Variants in RPS29 observed in about 807,000 individuals in gnomAD.
The protein encoded by RPS29 is small ribosomal subunit protein uS14.
For synonymous variants in RPS29, 37 were observed against 26.9 expected, an observed-to-expected ratio of 1.37 and a Z score of -1.16; for missense variants, 60 against 75.7, an observed-to-expected ratio of 0.79 and a Z score of 0.77.
downstream of RPS29, among the ~76,000 whole-genome samples, chr14:49,582,016 A>AAAAAAAAAAAAAAAC (rs1881352751): frequency 9.2e-5 from 5 of 54,326 alleles, 1 homozygote; most frequent in African/African-American, 2.0e-4. Context: ...GCCCCCCAAA[A>AAAAAAAAAAAAAAAC]AAAAAAAAAA....
chr14:49,595,334 C>T (rs751291449), intron 1 of RPS29, among the ~76,000 whole-genome samples: 17 of 152,146 alleles, frequency 1.1e-4, no homozygotes, highest in Non-Finnish European at 1.9e-4. Context: ...ACCTGTAATC[C>T]GAGCACTTTG....
At chr14:49,575,768 T>C (rs1881163525) in exon 3 of RPS29, 1 of 152,184 alleles carries the variant, frequency 6.6e-6, no homozygotes, top group South Asian at 2.1e-4. Flanking sequence ...GAGGATTACT[T>C]GAGCCCAGGA....
intron 2 of RPS29, among the ~76,000 whole-genome samples, chr14:49,578,329 A>G (rs1881242545): frequency 6.6e-6 from 1 of 152,130 alleles, no homozygotes. Context: ...GTATCTGGAT[A>G]CTCAATCTCT....
At chr14:49,589,324 C>T (rs1881664143), upstream of RPS29, among the ~76,000 whole-genome samples, 1 of 151,804 alleles carries the variant, frequency 6.6e-6, no homozygotes. Flanking sequence ...AAAAAAGTGC[C>T]ATAATGTCCT....
At chr14:49,588,379 C>T (rs1303971794), upstream of RPS29, among the ~76,000 whole-genome samples, 1 of 152,176 alleles carries the variant, frequency 6.6e-6, no homozygotes, top group Non-Finnish European at 1.5e-5. Flanking sequence ...GCAGCTAAGA[C>T]GTCGTACTTC....
At chr14:49,574,336 CA>C (rs1881125468) in exon 3 of RPS29, 1 of 152,100 alleles carries the variant, frequency 6.6e-6, no homozygotes, top group Non-Finnish European at 1.5e-5. Context: ...TAAACTAAAC[CA>C]TTTTTTTTAT....
intron 1 of RPS29, among the ~76,000 whole-genome samples, chr14:49,596,066 C>G (rs1881815886): frequency 6.6e-6 from 1 of 151,894 alleles, no homozygotes; most frequent in African/African-American, 2.4e-5. Flanking sequence ...TGTTGAATGC[C>G]TAGTATGTGC....
At chr14:49,577,033 G>A (rs1332020210) in exon 3 of RPS29, 1 of 152,290 alleles carries the variant, frequency 6.6e-6, no homozygotes. Flanking sequence ...CTTGAGGTCA[G>A]GAGTTCGAAA....
At chr14:49,590,730 A>G (rs1160321963), upstream of RPS29, among the ~76,000 whole-genome samples, 1 of 147,048 alleles carries the variant, frequency 6.8e-6, no homozygotes, top group African/African-American at 2.5e-5. Flanking sequence ...TCACTCTGTC[A>G]CCCAGGCTGG....
At chr14:49,597,123 A>T (rs1037229898) in intron 1 of RPS29, among the ~76,000 whole-genome samples, 1 of 152,106 alleles carries the variant, frequency 6.6e-6, no homozygotes, top group Non-Finnish European at 1.5e-5. Flanking sequence ...CATGCTGGCC[A>T]GGCTGGTCTC....
chr14:49,589,017 G>A (rs1185899370), upstream of RPS29, among the ~76,000 whole-genome samples: 6 of 149,954 alleles, frequency 4.0e-5, no homozygotes, highest in South Asian at 2.1e-4. Context: ...TCAGCCTCCC[G>A]AGTAGCTGGG....
chr14:49,586,642 C>G, upstream of RPS29: 1 of 434,420 alleles, frequency 2.3e-6, no homozygotes, highest in Non-Finnish European at 4.3e-6. Flanking sequence ...TGGAGGATCG[C>G]TTGAGTCCAG....
downstream of RPS29, among the ~76,000 whole-genome samples, chr14:49,582,907 C>T (rs1368051901): frequency 6.6e-6 from 1 of 152,214 alleles, no homozygotes; most frequent in Non-Finnish European, 1.5e-5. Flanking sequence ...TCCAAGTGCT[C>T]CCAACTGCTT....
At chr14:49,576,262 T>C (rs892505687) in exon 3 of RPS29, 8 of 143,210 alleles carry the variant, frequency 5.6e-5, no homozygotes, top group African/African-American at 2.0e-4. Context: ...TGTTTTTGGG[T>C]TTTTTTGTTT....
At chr14:49,572,668 T>C (rs573415606) in exon 3 of RPS29, 2 of 152,322 alleles carry the variant, frequency 1.3e-5, no homozygotes, top group South Asian at 2.1e-4. Context: ...GAAGTGGTCA[T>C]TGTCATCATG....
upstream of RPS29, among the ~76,000 whole-genome samples, chr14:49,590,715 G>C (rs1881692845): frequency 6.6e-6 from 1 of 150,400 alleles, no homozygotes; most frequent in African/African-American, 2.4e-5. Context: ...TTTTGAGACG[G>C]AGTCTCACTC....
upstream of RPS29, among the ~76,000 whole-genome samples, chr14:49,589,891 C>T (rs1444460011): frequency 6.6e-6 from 1 of 152,188 alleles, no homozygotes; most frequent in Non-Finnish European, 1.5e-5. Context: ...TCCTGTGCAA[C>T]AGCATGGATG....
intron 2 of RPS29, among the ~76,000 whole-genome samples, chr14:49,584,099 A>T (rs1367599289): frequency 6.6e-6 from 1 of 152,164 alleles, no homozygotes; most frequent in African/African-American, 2.4e-5. Context: ...CTCCCACCTC[A>T]ACCTCCTGAG....
chr14:49,595,929 C>G (rs149478322), intron 1 of RPS29, among the ~76,000 whole-genome samples: 4,133 of 149,098 alleles, frequency 0.028, 88 homozygotes, highest in Admixed American at 0.065. Context: ...AGGAGAATCG[C>G]TTGAGCCGGG....
Sources: allele counts gnomAD v4.1 joint callset (sites outside exome capture counted in the v4.1 genomes callset), GRCh38; gene constraint gnomAD v4.1.1; transcripts MANE v1.5; gene names NCBI Gene and HGNC (gene_info 2026-07-23, HGNC 2026-07-21).